CAMK1D: variants seen among roughly 807,000 people sequenced by gnomAD.
The protein encoded by CAMK1D is calcium/calmodulin-dependent protein kinase type 1D.
A neutral mutation model predicts 47.7 loss-of-function variants in CAMK1D; 9 were observed. The observed-to-expected ratio is 0.19, with a 90% confidence interval of 0.11 to 0.33. The LOEUF (loss-of-function observed/expected upper bound fraction) is 0.33. Among genes scored for constraint, CAMK1D ranks in the 10% least tolerant of loss-of-function variants. The probability of loss-of-function intolerance (pLI) is 1.00; values close to 1 mark genes in which losing one functional copy is unlikely to be tolerated. For missense variants in CAMK1D, 291 were observed against 488.7 expected (o/e 0.60, Z 3.81); for synonymous variants, 184 against 184.9 (o/e 0.99, Z 0.04).
At chr10:12,740,953 T>G (rs1025748432) in intron 3 of CAMK1D, among the ~76,000 whole-genome samples, 2 of 152,164 alleles carry the variant, frequency 1.3e-5, no homozygotes, top group African/African-American at 4.8e-5. Flanking sequence ...ATTTGGAATT[T>G]CCTTAAGCAA....
chr10:12,548,144 T>G (rs1238539225), intron 1 of CAMK1D, among the ~76,000 whole-genome samples: 1 of 152,206 alleles, frequency 6.6e-6, no homozygotes, highest in African/African-American at 2.4e-5. Context: ...TGGGACTCAG[T>G]ATCCTCATCT....
rs77863734 is a variant in CAMK1D, at chr10:12,695,249, G to A, written c.299+28439G>A. 4.8e-3 allele frequency among the ~76,000 whole-genome samples: 724 copies of A among 152,274 alleles called. 6 individuals are homozygous for A. Among genetic ancestry groups the A allele is most frequent in the African/African-American group, 0.017 (701 of 41,534 alleles). ...TGGGATGGAAGGACAGACGGAGAAT[G>A]ACTTGGAGTTTCTTTTAGGACTGTG... On this transcript the variant is annotated intron_variant, in intron 3 of 10. Coordinates refer to ENST00000619168, the MANE Select transcript of CAMK1D (RefSeq NM_153498.4).
At chr10:12,579,712 C>A (rs968067974) in intron 2 of CAMK1D, among the ~76,000 whole-genome samples, 10 of 152,174 alleles carry the variant, frequency 6.6e-5, no homozygotes, top group Admixed American at 2.6e-4. Flanking sequence ...AAACATGAAG[C>A]CTTCCGGACC....
chr10:12,408,726 C>T (rs1471539361), intron 1 of CAMK1D, among the ~76,000 whole-genome samples: 4 of 152,268 alleles, frequency 2.6e-5, no homozygotes, highest in Non-Finnish European at 2.9e-5. Flanking sequence ...CTCTTGGATG[C>T]TGCAAACAGT....
intron 2 of CAMK1D, among the ~76,000 whole-genome samples, chr10:12,553,583 T>C (rs531389855): frequency 6.6e-6 from 1 of 152,316 alleles, no homozygotes; most frequent in African/African-American, 2.4e-5. Flanking sequence ...AGAGCACAGC[T>C]GTCAGGCAGA....
At chr10:12,523,184 A>C (rs1367433223) in intron 1 of CAMK1D, among the ~76,000 whole-genome samples, 2 of 148,242 alleles carry the variant, frequency 1.3e-5, no homozygotes, top group African/African-American at 5.1e-5. Flanking sequence ...CACATCCCAG[A>C]CGGGGCGGTG....
At chr10:12,553,202 C>G (rs1836644792) in intron 1 of CAMK1D, 23 bp from the exon 2 acceptor site, 1 of 1,611,370 alleles carries the variant, frequency 6.2e-7, no homozygotes, top group Admixed American at 1.7e-5. Flanking sequence ...TCTAAGTGTT[C>G]TTTTTTCCTT....
rs1833439259 is a variant in CAMK1D, at chr10:12,832,692, CT to C, written c.*3806del. 1 of 152,244 alleles carries C rather than the reference CT, an allele frequency of 6.6e-6. No homozygotes were observed. Among genetic ancestry groups the C allele is most frequent in the Admixed American group, 6.5e-5 (1 of 15,280 alleles). The allele number at this position is 152,244 out of a possible 1,614,324, so 9.4% of individuals were successfully genotyped here. A position where few individuals can be genotyped will look rare whatever the true frequency, so the allele number is the denominator to read the frequency against. On this transcript the variant is annotated 3_prime_UTR_variant, in exon 11 of 11. Transcript: ENST00000619168. Reference sequence around the variant, plus strand: ...CCACAATTCTGGTCACTTCTAGCATCTGACCTTGAGAACGGTGTAGAGTCTC... The same window carrying C: ...CCACAATTCTGGTCACTTCTAGCATCGACCTTGAGAACGGTGTAGAGTCTC...
At chr10:12,442,976 T>C (rs755722928) in intron 1 of CAMK1D, among the ~76,000 whole-genome samples, 1 of 152,232 alleles carries the variant, frequency 6.6e-6, no homozygotes, top group East Asian at 1.9e-4. Flanking sequence ...TCATTTCTTT[T>C]ACTTTTCTAC....
chr10:12,815,925 A>T (rs1023277815), intron 7 of CAMK1D, among the ~76,000 whole-genome samples: 3 of 152,238 alleles, frequency 2.0e-5, no homozygotes, highest in African/African-American at 7.2e-5. Flanking sequence ...GCAGTGATGG[A>T]CTAATTAGAG....
At chr10:12,467,795 T>C (rs1026541848) in intron 1 of CAMK1D, among the ~76,000 whole-genome samples, 4 of 152,158 alleles carry the variant, frequency 2.6e-5, no homozygotes, top group Admixed American at 1.3e-4. Context: ...CATTTGTAGG[T>C]AGGATTATCT....
rs565096253 is a variant in CAMK1D at position 12,664,584 on chromosome 10, C to T, written c.225-2152C>T. The stretch of plus-strand genomic sequence containing the variant: ...TGGGGCTCAGACAGCCTTCTTGACT[C>T]AACCTCCAAGGCAAGCCAGGGCTGC... On this transcript the variant is annotated intron_variant, in intron 2 of 10. Transcript: ENST00000619168. 3.9e-5 allele frequency among the ~76,000 whole-genome samples: 6 copies of T among 152,300 alleles called. No homozygotes were observed. In the South Asian group the frequency reaches 8.3e-4, roughly 21 times the overall value.
intron 2 of CAMK1D, among the ~76,000 whole-genome samples, chr10:12,616,766 C>T (rs937724921): frequency 2.0e-5 from 3 of 152,204 alleles, no homozygotes; most frequent in African/African-American, 4.8e-5. Context: ...ATCCGCCCGC[C>T]TCGGCCTCCC....
chr10:12,553,115 C>T, intron 1 of CAMK1D, 110 bp from the exon 2 acceptor site: 20 of 1,571,492 alleles, frequency 1.3e-5, no homozygotes, highest in Non-Finnish European at 1.7e-5. Flanking sequence ...GTAATGCTTA[C>T]AACTGTGCCG....
chr10:12,766,297 C>T (rs1187785728), intron 4 of CAMK1D, among the ~76,000 whole-genome samples: 1 of 141,780 alleles, frequency 7.1e-6, no homozygotes, highest in Non-Finnish European at 1.5e-5. Context: ...GCCCTGCCAT[C>T]CCCACCCTAA....
At chr10:12,747,135 G>A (rs1456540510) in intron 3 of CAMK1D, among the ~76,000 whole-genome samples, 5 of 152,098 alleles carry the variant, frequency 3.3e-5, no homozygotes, top group East Asian at 1.9e-4. Context: ...GGGTTCAAGC[G>A]ATTCTCCTGC....
rs549999677 is a variant in CAMK1D, at chr10:12,508,255, T to G, written c.93-44970T>G. Among the ~76,000 whole-genome samples, 4 of 152,346 alleles carry G rather than the reference T, an allele frequency of 2.6e-5. No individual in the cohort carries two copies. In the East Asian group the frequency reaches 7.7e-4, roughly 29 times the overall value. On this transcript the variant is annotated intron_variant, in intron 1 of 10. Coordinates refer to ENST00000619168, the MANE Select transcript of CAMK1D (RefSeq NM_153498.4). ...GGCCAAAAGGTGGAAACAACCCAAA[T>G]TTCCGTTGACGGATGAAAGAGCAAA...
chr10:12,443,472 C>G (rs1832843041), intron 1 of CAMK1D, among the ~76,000 whole-genome samples: 1 of 152,080 alleles, frequency 6.6e-6, no homozygotes, highest in South Asian at 2.1e-4. Context: ...GGGTCCTGAT[C>G]CAGACCCCAA....
chr10:12,419,072 G>T (rs902688173), intron 1 of CAMK1D, among the ~76,000 whole-genome samples: 66 of 152,292 alleles, frequency 4.3e-4, no homozygotes, highest in African/African-American at 1.4e-3. Flanking sequence ...CATTCGGAAA[G>T]GTGTCTGAGA....
Sources: allele counts gnomAD v4.1 joint callset (sites outside exome capture counted in the v4.1 genomes callset), GRCh38; gene constraint gnomAD v4.1.1; transcripts MANE v1.5; gene names NCBI Gene and HGNC (gene_info 2026-07-23, HGNC 2026-07-21).